The following TTLL6 variants were observed in gnomAD, a reference collection of about 807,000 sequenced individuals.
TTLL6 encodes the protein tubulin tyrosine ligase like 6.
In TTLL6, 75 loss-of-function variants were observed where a neutral mutation model predicts 96.4. The ratio of observed to expected loss-of-function variants is 0.78; its 90% confidence interval spans 0.65 to 0.94. TTLL6 has a LOEUF of 0.94. Among genes scored for constraint, TTLL6 ranks in the 40% least tolerant of loss-of-function variants. The pLI is 0.00. For missense variants in TTLL6, 1,030 were observed against 1,093.0 expected (o/e 0.94, Z 0.81); for synonymous variants, 411 against 419.4 (o/e 0.98, Z 0.24).
intron 7 of TTLL6, among the ~76,000 whole-genome samples, chr17:48,796,567 C>A (rs1377018114): frequency 6.6e-6 from 1 of 150,500 alleles, no homozygotes; most frequent in Non-Finnish European, 1.5e-5. Context: ...TGCAATGAGC[C>A]GAGATCATGC....
chr17:48,791,131 C>A (rs554299392), intron 9 of TTLL6, among the ~76,000 whole-genome samples: 2 of 152,234 alleles, frequency 1.3e-5, no homozygotes, highest in Non-Finnish European at 2.9e-5. Flanking sequence ...TCACTCTGTG[C>A]CTAAGATCAG....
At chr17:48,812,991 A>G (rs2039616546) in intron 1 of TTLL6, among the ~76,000 whole-genome samples, 1 of 152,200 alleles carries the variant, frequency 6.6e-6, no homozygotes, top group South Asian at 2.1e-4. Flanking sequence ...ACATTACACT[A>G]AAGCATTTAT....
chr17:48,810,835 A>G (rs1175550097), intron 1 of TTLL6, among the ~76,000 whole-genome samples: 4 of 113,022 alleles, frequency 3.5e-5, no homozygotes, highest in African/African-American at 1.3e-4. Flanking sequence ...GTATATATAT[A>G]TATATATATA....
chr17:48,774,096 C>CAAAAAAAAAAAAAAAAAAAA (rs1286139436), intron 13 of TTLL6, among the ~76,000 whole-genome samples: 9 of 44,138 alleles, frequency 2.0e-4, no homozygotes, highest in East Asian at 8.3e-4. Context: ...AAAAACAAAA[C>CAAAAAAAAAAAAAAAAAAAA]AAAAAAAAAA....
chr17:48,808,385 T>C (rs2039535332), intron 1 of TTLL6, among the ~76,000 whole-genome samples: 1 of 151,972 alleles, frequency 6.6e-6, no homozygotes. Flanking sequence ...TGTGTGTGTG[T>C]GTGTGTGTGT....
At chr17:48,780,549 T>A (rs149783435) in intron 13 of TTLL6, among the ~76,000 whole-genome samples, 4 of 152,356 alleles carry the variant, frequency 2.6e-5, no homozygotes, top group Non-Finnish European at 5.9e-5. Flanking sequence ...TTTAAAGTGT[T>A]CTATATGTAG....
At chr17:48,811,033 A>T (rs1402557605) in intron 1 of TTLL6, among the ~76,000 whole-genome samples, 1 of 147,230 alleles carries the variant, frequency 6.8e-6, no homozygotes, top group Non-Finnish European at 1.5e-5. Flanking sequence ...CTGACACAGG[A>T]GCCAAGTGAC....
In TTLL6 at chr17:48,804,192, T is replaced by C. The variant is rs561458200; in HGVS notation, c.324-264A>G. 3.2e-4 allele frequency: 185 copies of C among 570,820 alleles called. 1 individual carries two copies. The highest frequency in any genetic ancestry group is 2.9e-3 in the South Asian group (159 of 55,094). The allele number at this position is 570,820 out of a possible 1,614,324, so 35.4% of individuals were successfully genotyped here. A position where few individuals can be genotyped will look rare whatever the true frequency, so the allele number is the denominator to read the frequency against. ...TACAGCTGATCTTGCTTGCAGCTTC[T>C]CACTAACATCATTGCCTCAAGCCTT... On this transcript the variant is annotated intron_variant, in intron 2 of 15. Transcript: ENST00000393382.
chr17:48,768,892 A>G (rs1019343907), intron 15 of TTLL6, 97 bp downstream of exon 15: 1 of 1,294,046 alleles, frequency 7.7e-7, no homozygotes, highest in Non-Finnish European at 1.1e-6. Context: ...GTATGTCTTT[A>G]TCAATCCATC....
At chr17:48,781,353 T>C (rs1457859573) in intron 13 of TTLL6, among the ~76,000 whole-genome samples, 7 of 152,162 alleles carry the variant, frequency 4.6e-5, no homozygotes, top group Admixed American at 1.3e-4. Flanking sequence ...AGCCCTATTT[T>C]CAATTTTTGG....
Position 48,804,923 on chromosome 17 carries a change from G to C in TTLL6, c.172C>G (p.Gln58Glu). 6.4e-7 allele frequency: 1 copy of C among 1,551,688 alleles called. No homozygotes were observed. The highest frequency in any genetic ancestry group is 8.7e-7 in the Non-Finnish European group (1 of 1,146,942). The change falls in exon 2 of 16, where the codon CAG becomes GAG. Residue 58 changes from glutamine to glutamate, a missense_variant. Gln to Glu is a conservative substitution (Grantham distance 29). Coordinates refer to ENST00000393382, the MANE Select transcript of TTLL6 (RefSeq NM_001130918.3). Reference sequence around the variant, plus strand: ...TTCTCTTCGGAGTTTTCCCCTTCCTGGCTTTCCAAAGTCGGGCACTGTGGC... The same window carrying C: ...TTCTCTTCGGAGTTTTCCCCTTCCTCGCTTTCCAAAGTCGGGCACTGTGGC... ...EMPQCPTLES[Q>E]EGENSEEKGD...
intron 1 of TTLL6, among the ~76,000 whole-genome samples, chr17:48,810,190 G>C (rs2039560223): frequency 6.7e-6 from 1 of 150,042 alleles, no homozygotes; most frequent in African/African-American, 2.4e-5. Context: ...GTCAAATTAT[G>C]TTTGCTCTTG....
chr17:48,786,619 T>C (rs1036860446), intron 11 of TTLL6, among the ~76,000 whole-genome samples: 1 of 152,156 alleles, frequency 6.6e-6, no homozygotes, highest in Admixed American at 6.5e-5. Flanking sequence ...TGTTCCCCAC[T>C]TCCCAGCAGG....
At chr17:48,803,391 G>C (rs1017651610) in intron 3 of TTLL6, among the ~76,000 whole-genome samples, 1 of 151,644 alleles carries the variant, frequency 6.6e-6, no homozygotes, top group Admixed American at 6.6e-5. Context: ...AGCTACTAGG[G>C]AGGCTGAGGC....
intron 15 of TTLL6, among the ~76,000 whole-genome samples, chr17:48,768,022 T>G (rs973492352): frequency 1.3e-5 from 2 of 152,180 alleles, no homozygotes; most frequent in African/African-American, 4.8e-5. Flanking sequence ...ATTTTAGCCA[T>G]AAGTGGAAGA....
rs1481687582 is a variant in TTLL6, at chr17:48,789,946, C to T, written c.1385G>A (p.Cys462Tyr). ...GCGAATGTACCTCATCTCCCGAGAA[C>T]AACACTGCTGCAGGAACTGCCCCCG... ...RQRGQFLQQC[C>Y]SREMRIEEAK... Residue 462 changes from cysteine (C) to tyrosine (Y), a missense_variant, in exon 10 of 16, where the codon TGT becomes TAT. Transcript: ENST00000393382. 6.8e-6 allele frequency: 11 copies of T among 1,614,148 alleles called. No homozygotes were observed. In the African/African-American group the frequency reaches 1.1e-4, roughly 16 times the overall value.
intron 13 of TTLL6, among the ~76,000 whole-genome samples, chr17:48,782,437 G>T (rs939538614): frequency 1.3e-5 from 2 of 152,152 alleles, no homozygotes; most frequent in Admixed American, 6.5e-5. Flanking sequence ...TTACAGGCGT[G>T]AGCCACTGCA....
At chr17:48,777,432 T>C (rs977354076) in intron 13 of TTLL6, among the ~76,000 whole-genome samples, 1 of 151,754 alleles carries the variant, frequency 6.6e-6, no homozygotes, top group Non-Finnish European at 1.5e-5. Flanking sequence ...TCGTCTCTAC[T>C]AAAAATACAA....
intron 1 of TTLL6, among the ~76,000 whole-genome samples, chr17:48,807,857 G>C (rs1246310094): frequency 1.3e-5 from 2 of 151,650 alleles, no homozygotes; most frequent in Non-Finnish European, 2.9e-5. Flanking sequence ...GTTTTTGTTT[G>C]AGACGGAGTC....
Sources: allele counts gnomAD v4.1 joint callset (sites outside exome capture counted in the v4.1 genomes callset), GRCh38; gene constraint gnomAD v4.1.1; transcripts MANE v1.5; gene names NCBI Gene and HGNC (gene_info 2026-07-23, HGNC 2026-07-21).